CFAP20DC: variants seen among roughly 807,000 people sequenced by gnomAD.
The protein encoded by CFAP20DC is protein CFAP20DC.
A neutral mutation model predicts 101.7 loss-of-function variants in CFAP20DC; 84 were observed. That is an observed-to-expected ratio of 0.83 (90% CI 0.69 to 0.99). CFAP20DC has a LOEUF of 0.99. Among genes scored for constraint, CFAP20DC ranks in the 50% least tolerant of loss-of-function variants. CFAP20DC has a pLI of 0.00. For missense variants in CFAP20DC, 1,007 were observed against 970.3 expected (o/e 1.04, Z -0.50); for synonymous variants, 359 against 351.2 (o/e 1.02, Z -0.25).
At position 58,749,939 on chromosome 3, in the gene CFAP20DC, G is replaced by A. The variant is rs888212464; in HGVS notation, c.2332+3830C>T. Among the ~76,000 whole-genome samples the A allele has an allele frequency of 4.6e-5, 7 of 152,188 alleles. No homozygotes were observed. In the East Asian group the frequency reaches 1.3e-3, roughly 29 times the overall value. ...TTTTAGTAAGTGTTAAGGGCACCAT[G>A]TCCGATAGTAATTGATATTCAGCAA... On this transcript the variant is annotated intron_variant, in intron 16 of 16. Coordinates refer to ENST00000482387, the MANE Select transcript of CFAP20DC (RefSeq NM_001394063.1).
At chr3:59,004,450 A>G (rs2093385268) in intron 4 of CFAP20DC, among the ~76,000 whole-genome samples, 2 of 152,188 alleles carry the variant, frequency 1.3e-5, no homozygotes, top group Non-Finnish European at 2.9e-5. Context: ...GCCCTCTAGC[A>G]TTTACAGATA....
intron 4 of CFAP20DC, among the ~76,000 whole-genome samples, chr3:58,989,440 T>C (rs2092860845): frequency 6.6e-6 from 1 of 152,138 alleles, no homozygotes; most frequent in South Asian, 2.1e-4. Flanking sequence ...ATTTCCTGTT[T>C]TTAAGAAGTA....
At chr3:58,956,496 G>A (rs751162018) in intron 4 of CFAP20DC, among the ~76,000 whole-genome samples, 13 of 152,112 alleles carry the variant, frequency 8.5e-5, no homozygotes, top group South Asian at 2.1e-4. Context: ...TGTGGTTTGA[G>A]TGCCTTCTCA....
chr3:58,808,243 A>T (rs1415858746), intron 14 of CFAP20DC, among the ~76,000 whole-genome samples: 1 of 152,164 alleles, frequency 6.6e-6, no homozygotes, highest in Non-Finnish European at 1.5e-5. Context: ...CAGAAGAGCA[A>T]CTCCAAGACA....
At chr3:58,789,216 A>T (rs1024566216) in intron 15 of CFAP20DC, among the ~76,000 whole-genome samples, 3 of 152,180 alleles carry the variant, frequency 2.0e-5, no homozygotes, top group Admixed American at 2.0e-4. Flanking sequence ...CAAGAGCAAA[A>T]AACTTTGCAG....
chr3:59,010,193 T>C lies in CFAP20DC; in HGVS notation c.278+29364A>G, dbSNP rs550285892. On this transcript the variant is annotated intron_variant, in intron 4 of 16. Transcript: ENST00000482387. ...GCAACAGCTAACATGACAAATAGAA[T>C]AGTACCTCACATCTGAATACTAACA... Among the ~76,000 whole-genome samples, 104 of 152,106 alleles carry C rather than the reference T, an allele frequency of 6.8e-4. 2 individuals are homozygous for C. The South Asian group carries it at 0.02, about 30-fold the overall frequency.
intron 4 of CFAP20DC, chr3:59,017,631 C>T (rs2093717628): frequency 6.6e-6 from 1 of 152,140 alleles, no homozygotes; most frequent in East Asian, 1.9e-4. Flanking sequence ...CCAGAAAAGT[C>T]TCATACATCC....
chr3:58,904,346 T>A (rs890993581), intron 6 of CFAP20DC, among the ~76,000 whole-genome samples: 4 of 152,090 alleles, frequency 2.6e-5, no homozygotes, highest in African/African-American at 9.7e-5. Context: ...ATCAGAATAA[T>A]TGTGAGTCTT....
At chr3:58,816,629 C>G (rs1011853482) in intron 14 of CFAP20DC, among the ~76,000 whole-genome samples, 3 of 152,032 alleles carry the variant, frequency 2.0e-5, no homozygotes, top group African/African-American at 4.8e-5. Context: ...ACACCTGGCT[C>G]GAGGGTCCTA....
In CFAP20DC at chr3:58,861,753, C is replaced by A. The variant is rs1365538732; in HGVS notation, c.1593+1805G>T. 1.0e-6 allele frequency: 1 copy of A among 985,362 alleles called. No homozygotes were observed. The highest frequency in any genetic ancestry group is 1.2e-6 in the Non-Finnish European group (1 of 829,938). The allele number at this position is 985,362 out of a possible 1,614,324, so 61.0% of individuals were successfully genotyped here. A position where few individuals can be genotyped will look rare whatever the true frequency, so the allele number is the denominator to read the frequency against. On this transcript the variant is annotated intron_variant, in intron 12 of 16. Coordinates refer to ENST00000482387, the MANE Select transcript of CFAP20DC (RefSeq NM_001394063.1). The surrounding 1 kb of genome is among the most constrained non-coding windows in gnomAD (Gnocchi z 4.0). The stretch of plus-strand genomic sequence containing the variant: ...GGCTCTGATTAAAGGGTGGTGAGTG[C>A]CAGTGTTGGCAATGGGATGGTCTCA...
intron 13 of CFAP20DC, among the ~76,000 whole-genome samples, chr3:58,836,394 C>T (rs1441436146): frequency 2.0e-5 from 3 of 152,134 alleles, no homozygotes; most frequent in African/African-American, 7.2e-5. Context: ...CCTTAAGCTG[C>T]TAGGACAGAA....
chr3:59,009,245 T>A (rs891366159), intron 4 of CFAP20DC, among the ~76,000 whole-genome samples: 5 of 151,528 alleles, frequency 3.3e-5, no homozygotes, highest in African/African-American at 9.7e-5. Context: ...ACCAGAAAAA[T>A]AATTCTGGTA....
chr3:59,016,229 A>G (rs938157014), intron 4 of CFAP20DC, among the ~76,000 whole-genome samples: 2 of 152,152 alleles, frequency 1.3e-5, no homozygotes, highest in Non-Finnish European at 2.9e-5. Context: ...TGGCAGCAAC[A>G]TGGATGAGGC....
intron 12 of CFAP20DC, among the ~76,000 whole-genome samples, chr3:58,855,731 A>G (rs1202570640): frequency 6.6e-6 from 1 of 151,590 alleles, no homozygotes; most frequent in Admixed American, 6.6e-5. Context: ...AAACTATCAC[A>G]AGAAGAAAAA....
chr3:58,864,161 GT>G lies in CFAP20DC; in HGVS notation c.1259-270del, dbSNP rs2079484040. 6.6e-6 allele frequency among the ~76,000 whole-genome samples: 1 copy of G among 152,114 alleles called. No individual in the cohort carries two copies. The highest frequency in any genetic ancestry group is 1.5e-5 in the Non-Finnish European group (1 of 68,018). ...TTTAGTAGAGATGGGGTTTCACCAT[GT>G]TGGTCAGGCTGGTCTTGAACTCCTG... On this transcript the variant is annotated intron_variant, in intron 11 of 16. Transcript: ENST00000482387. The surrounding 1 kb of genome is among the most constrained non-coding windows in gnomAD (Gnocchi z 4.7).
chr3:58,749,956 A>G lies in CFAP20DC; in HGVS notation c.2332+3813T>C, dbSNP rs143472354. ...GGCACCATGTCCGATAGTAATTGAT[A>G]TTCAGCAAGTGTGTTATAGCCCAGG... On this transcript the variant is annotated intron_variant, in intron 16 of 16. Coordinates refer to ENST00000482387, the MANE Select transcript of CFAP20DC (RefSeq NM_001394063.1). Among the ~76,000 whole-genome samples the G allele has an allele frequency of 3.8e-3, 577 of 152,348 alleles. 3 individuals are homozygous for G. Among genetic ancestry groups the G allele is most frequent in the Admixed American group, 8.0e-3 (122 of 15,290 alleles).
intron 4 of CFAP20DC, among the ~76,000 whole-genome samples, chr3:59,005,856 T>C (rs1040466866): frequency 6.6e-6 from 1 of 152,192 alleles, no homozygotes; most frequent in African/African-American, 2.4e-5. Context: ...GCTGAAAAGA[T>C]ATGAAGTAGT....
In CFAP20DC at chr3:58,863,370, T is replaced by TAAAAA. The variant is rs879308973; in HGVS notation, c.1593+183_1593+187dup. On this transcript the variant is annotated intron_variant, in intron 12 of 16. Coordinates refer to ENST00000482387, the MANE Select transcript of CFAP20DC (RefSeq NM_001394063.1). This position sits in a 1 kb window ranked among gnomAD's most constrained non-coding sequence, Gnocchi z 5.9. ...AAAGTGAAATTGGCTGACTGTTAAT[T>TAAAAA]AAAAAAAAAAAAAGACAGTTTAAAG... The TAAAAA allele has an allele frequency of 3.1e-6, 2 of 636,424 alleles. No individual in the cohort carries two copies. The highest frequency in any genetic ancestry group is 2.2e-6 in the Non-Finnish European group (1 of 446,116). 39.4% of individuals were successfully genotyped at this position (636,424 alleles called of 1,614,324 possible).
chr3:58,826,987 T>C (rs1234402914), intron 14 of CFAP20DC, among the ~76,000 whole-genome samples: 1 of 152,142 alleles, frequency 6.6e-6, no homozygotes, highest in Admixed American at 6.5e-5. Flanking sequence ...ACAGTCAGAG[T>C]ACAGAGAATT....
Sources: gnomAD v4.1 joint callset for allele counts (sites outside exome capture counted in the v4.1 genomes callset) on GRCh38, gnomAD v4.1.1 for gene constraint, Gnocchi (gnomAD v3.1) non-coding constraint, MANE v1.5 for transcripts, NCBI Gene and HGNC (gene_info 2026-07-23, HGNC 2026-07-21) for gene names.